The following CAMTA1 variants were observed in gnomAD, a reference collection of about 807,000 sequenced individuals.
CAMTA1 encodes the protein calmodulin-binding transcription activator 1.
In CAMTA1, 27 loss-of-function variants were observed where a neutral mutation model predicts 170.9. The observed-to-expected ratio is 0.16, with a 90% CI of 0.12 to 0.22. The LOEUF is 0.22. CAMTA1 is among the 10% of genes least tolerant of loss of function. The probability of loss-of-function intolerance (pLI) is 1.00; values close to 1 mark genes in which losing one functional copy is unlikely to be tolerated. For synonymous variants in CAMTA1, 833 were observed against 891.5 expected (o/e 0.93, Z 1.17); for missense variants, 1,619 against 2,217.2 (o/e 0.73, Z 5.42).
At chr1:7,465,805 A>T (rs187809051) in intron 5 of CAMTA1, among the ~76,000 whole-genome samples, 1 of 152,284 alleles carries the variant, frequency 6.6e-6, no homozygotes, top group Admixed American at 6.5e-5. Flanking sequence ...AGAGATGCTG[A>T]AGCCCAGTCC....
At chr1:7,088,590 G>T (rs895785557) in intron 3 of CAMTA1, among the ~76,000 whole-genome samples, 4 of 152,238 alleles carry the variant, frequency 2.6e-5, no homozygotes, top group African/African-American at 9.6e-5. Context: ...GGCCATAGCA[G>T]TAGGAAGCCC....
At chr1:7,399,994 T>A (rs1557654460) in intron 5 of CAMTA1, among the ~76,000 whole-genome samples, 1 of 152,378 alleles carries the variant, frequency 6.6e-6, no homozygotes, top group South Asian at 2.1e-4. Flanking sequence ...TTGAGCTTCA[T>A]GGATCTAGAT....
At position 6,887,965 on chromosome 1, in the gene CAMTA1, C is replaced by A; in HGVS notation, c.234+62755C>A. ...TCTGGAGAGCAGGGCTCTGTGCACA[C>A]GCCTCCTGGTCCAGAGGCCTCCGTG... On this transcript the variant is annotated intron_variant, in intron 3 of 22. Coordinates refer to ENST00000303635, the MANE Select transcript of CAMTA1 (RefSeq NM_015215.4). This position sits in a 1 kb window ranked among gnomAD's most constrained non-coding sequence, Gnocchi z 4.1. 2 of 1,247,684 alleles carry A rather than the reference C, an allele frequency of 1.6e-6. No individual in the cohort carries two copies. Among genetic ancestry groups the A allele is most frequent in the East Asian group, 7.6e-5 (2 of 26,256 alleles). 77.3% of individuals were successfully genotyped at this position (1,247,684 alleles called of 1,614,324 possible). A position where few individuals can be genotyped will look rare whatever the true frequency, so the allele number is the denominator to read the frequency against.
chr1:7,033,848 C>A (rs926330699), intron 3 of CAMTA1, among the ~76,000 whole-genome samples: 1 of 152,110 alleles, frequency 6.6e-6, no homozygotes, highest in African/African-American at 2.4e-5. Context: ...CCCCCTTTGG[C>A]CTCCCAAAGT....
At chr1:7,478,624 A>T (rs975330678) in intron 6 of CAMTA1, among the ~76,000 whole-genome samples, 8 of 152,226 alleles carry the variant, frequency 5.3e-5, no homozygotes, top group Non-Finnish European at 1.0e-4. Flanking sequence ...AGAGGGGTTT[A>T]TGCCTCCACA....
At chr1:7,035,129 C>T (rs1019571271) in intron 3 of CAMTA1, among the ~76,000 whole-genome samples, 5 of 152,090 alleles carry the variant, frequency 3.3e-5, no homozygotes, top group Non-Finnish European at 7.4e-5. Context: ...TGGCTGGAGG[C>T]GGTGGCTCAT....
intron 3 of CAMTA1, among the ~76,000 whole-genome samples, chr1:6,928,890 A>T (rs1022493700): frequency 6.6e-6 from 1 of 152,218 alleles, no homozygotes; most frequent in African/African-American, 2.4e-5. Flanking sequence ...GACCACGTCC[A>T]TCTGCATCTA....
intron 5 of CAMTA1, among the ~76,000 whole-genome samples, chr1:7,306,326 T>C (rs1675587750): frequency 6.6e-6 from 1 of 152,066 alleles, no homozygotes; most frequent in Non-Finnish European, 1.5e-5. Context: ...TTGAGGGTTC[T>C]CTGTTTTTTT....
At chr1:7,749,597 A>T (rs2096881549) in intron 19 of CAMTA1, among the ~76,000 whole-genome samples, 1 of 151,374 alleles carries the variant, frequency 6.6e-6, no homozygotes, top group Non-Finnish European at 1.5e-5. Flanking sequence ...AGAAGGCATT[A>T]TTTTTGGAAA....
intron 4 of CAMTA1, among the ~76,000 whole-genome samples, chr1:7,104,992 G>A (rs966874870): frequency 6.6e-6 from 1 of 152,148 alleles, no homozygotes; most frequent in South Asian, 2.1e-4. Flanking sequence ...AAAAATTCCA[G>A]CCTTAACCCC....
chr1:7,525,966 G>T (rs1023288763), intron 6 of CAMTA1, among the ~76,000 whole-genome samples: 4 of 152,102 alleles, frequency 2.6e-5, no homozygotes, highest in Admixed American at 2.6e-4. Flanking sequence ...CCAGGACCAG[G>T]GTGAGGCACT....
chr1:6,935,569 C>T (rs1431389726), intron 3 of CAMTA1, among the ~76,000 whole-genome samples: 1 of 152,220 alleles, frequency 6.6e-6, no homozygotes, highest in African/African-American at 2.4e-5. Context: ...AAATGGCGAT[C>T]TCCTCCAGAC....
chr1:7,705,548 G>A (rs1470372231), intron 11 of CAMTA1, among the ~76,000 whole-genome samples: 1 of 150,680 alleles, frequency 6.6e-6, no homozygotes, highest in African/African-American at 2.4e-5. Flanking sequence ...GTCGGGGCGC[G>A]CGGGGGCCCG....
At chr1:7,513,844 C>T (rs1213895996) in intron 6 of CAMTA1, among the ~76,000 whole-genome samples, 2 of 152,148 alleles carry the variant, frequency 1.3e-5, no homozygotes, top group African/African-American at 4.8e-5. Flanking sequence ...ATCACTTGAA[C>T]CTGGGAGGCA....
In CAMTA1 at chr1:7,594,234, GAAGGAAGA is replaced by G. The variant is rs1173636639; in HGVS notation, c.511-46162_511-46155del. The stretch of plus-strand genomic sequence containing the variant: ...GGAAGGAAGGAAGGAAGGAAGGAAG[GAAGGAAGA>G]AAGAAAAGAAGGACTGTCAGAGGAG... On this transcript the variant is annotated intron_variant, in intron 6 of 22. Transcript: ENST00000303635. 2.5e-3 allele frequency among the ~76,000 whole-genome samples: 374 copies of G among 150,606 alleles called. 5 individuals carry two copies. Among genetic ancestry groups the G allele is most frequent in the African/African-American group, 6.6e-3 (268 of 40,552 alleles).
chr1:7,200,372 TA>T (rs1656436088), intron 4 of CAMTA1, among the ~76,000 whole-genome samples: 1 of 152,210 alleles, frequency 6.6e-6, no homozygotes, highest in South Asian at 2.1e-4. Context: ...ATCAATGTGA[TA>T]CTATTATTAT....
At chr1:6,840,299 A>G (rs1655148633) in intron 3 of CAMTA1, among the ~76,000 whole-genome samples, 1 of 152,218 alleles carries the variant, frequency 6.6e-6, no homozygotes, top group Non-Finnish European at 1.5e-5. Flanking sequence ...TTTATGTTCA[A>G]AGGCTTTCTT....
chr1:7,656,514 T>C (rs1350877718), intron 7 of CAMTA1, among the ~76,000 whole-genome samples: 1 of 152,252 alleles, frequency 6.6e-6, no homozygotes. Flanking sequence ...ACATTGGTGG[T>C]TAGGGCTTCA....
chr1:7,096,364 C>T (rs984475334), intron 4 of CAMTA1, among the ~76,000 whole-genome samples: 17 of 152,272 alleles, frequency 1.1e-4, no homozygotes, highest in African/African-American at 4.1e-4. Context: ...TTCCCACATT[C>T]TCCCTTGTGG....
Sources: allele counts gnomAD v4.1 joint callset (sites outside exome capture counted in the v4.1 genomes callset), GRCh38; gene constraint gnomAD v4.1.1; non-coding constraint Gnocchi (gnomAD v3.1); transcripts MANE v1.5; gene names NCBI Gene and HGNC (gene_info 2026-07-23, HGNC 2026-07-21).